The following EFR3B variants were observed in gnomAD, a reference collection of about 807,000 sequenced individuals.
EFR3B encodes the protein protein EFR3 homolog B.
EFR3B carries 64 observed loss-of-function variants against 104.7 expected under a neutral mutation model. That is an observed-to-expected ratio of 0.61 (90% CI 0.50 to 0.75). The LOEUF is 0.75. Among genes scored for constraint, EFR3B ranks in the 30% least tolerant of loss-of-function variants. EFR3B has a pLI of 0.00. For missense variants in EFR3B, 750 were observed against 1,078.5 expected (o/e 0.70, Z 4.27); for synonymous variants, 385 against 417.9 (o/e 0.92, Z 0.96).
At chr2:25,058,767 C>A (rs554508638) in intron 1 of EFR3B, among the ~76,000 whole-genome samples, 5 of 135,594 alleles carry the variant, frequency 3.7e-5, no homozygotes, top group African/African-American at 1.2e-4. Flanking sequence ...TCCCCGCGCC[C>A]CCCCCCCCAA....
Position 25,153,741 on chromosome 2 carries a change from G to T in EFR3B, c.2328G>T (p.Gln776His). 1 of 1,551,708 alleles carries T rather than the reference G, an allele frequency of 6.4e-7. No homozygotes were observed. Among genetic ancestry groups the T allele is most frequent in the Non-Finnish European group, 8.7e-7 (1 of 1,147,006 alleles). ...CGCTGCTCCAGAGCAAACTCAATCA[G>T]ATCTTTGAAATCACCATCCGGTAAG... ...RASLLQSKLN[Q>H]IFEITIRPPP... The change falls in exon 22 of 23, where the codon CAG becomes CAT. Residue 776 changes from glutamine (Q) to histidine (H), a missense_variant. Gln to His is a conservative substitution (Grantham distance 24). Coordinates refer to ENST00000403714, the MANE Select transcript of EFR3B (RefSeq NM_014971.2).
chr2:25,143,900 G>A (rs748147085), intron 18 of EFR3B, 38 bp downstream of exon 18: 1 of 1,544,394 alleles, frequency 6.5e-7, no homozygotes, highest in Non-Finnish European at 8.8e-7. Flanking sequence ...GCCTGCCTCT[G>A]TCTTTACTTG....
chr2:25,108,807 T>TGGCCAACATTATGAAACCCC (rs539066788), intron 4 of EFR3B, among the ~76,000 whole-genome samples: 12,644 of 151,986 alleles, frequency 0.083, 741 homozygotes, highest in Non-Finnish European at 0.13. Context: ...CAGACCAGCC[T>TGGCCAACATTATGAAACCCC]GGCCAACATT....
At position 25,121,790 on chromosome 2, in the gene EFR3B, A is replaced by G. The variant is rs1428610756; in HGVS notation, c.481A>G (p.Thr161Ala). ...HSSHDDLEIK[T>A]KIRMSGIKGL... ...GAGCCATGATGACTTAGAAATCAAG[A>G]CCAAGTGAGTAGGGGAAGGCAAGGG... The change falls in exon 5 of 23, where the codon ACC becomes GCC. Residue 161 changes from threonine (T) to alanine (A), a missense_variant. Thr to Ala is a moderately conservative substitution (Grantham distance 58, BLOSUM62 0). Transcript: ENST00000403714. The G allele has an allele frequency of 6.4e-7, 1 of 1,551,808 alleles. No homozygotes were observed. Among genetic ancestry groups the G allele is most frequent in the Non-Finnish European group, 8.7e-7 (1 of 1,147,010 alleles).
At chr2:25,120,349 TC>T (rs1414474646) in intron 4 of EFR3B, among the ~76,000 whole-genome samples, 1 of 137,392 alleles carries the variant, frequency 7.3e-6, no homozygotes, top group African/African-American at 3.1e-5. Context: ...AGACTTCATC[TC>T]AAAAAAAAAC....
intron 16 of EFR3B, 146 bp from the exon 17 acceptor site, chr2:25,141,220 T>G (rs1670657429): frequency 1.3e-6 from 1 of 772,846 alleles, no homozygotes; most frequent in Non-Finnish European, 2.0e-6. Flanking sequence ...GATGCGAGTT[T>G]CCACTGAAAA....
chr2:25,152,236 T>C (rs3795955), intron 21 of EFR3B, among the ~76,000 whole-genome samples: 105,562 of 150,656 alleles, frequency 0.7, 37,565 homozygotes, highest in African/African-American at 0.84. Flanking sequence ...ACTGCTCCCC[T>C]ATGAACCAAA....
rs374058820 is a variant in EFR3B, at chr2:25,157,907, C to T, written c.*3567C>T. The T allele has an allele frequency of 6.5e-6, 1 of 152,672 alleles. No homozygotes were observed. The highest frequency in any genetic ancestry group is 2.1e-4 in the South Asian group (1 of 4,818). 9.5% of individuals were successfully genotyped at this position (152,672 alleles called of 1,614,324 possible). ...AACTAGAAAAGTCCTCAGATACCCC[C>T]CTCTGTCCAGCCCCCTTTCCCATAC... is the stretch of plus-strand genomic sequence containing the variant. On this transcript the variant is annotated 3_prime_UTR_variant, in exon 23 of 23. Transcript: ENST00000403714.
chr2:25,142,974 A>AT (rs1670714178), intron 17 of EFR3B, among the ~76,000 whole-genome samples: 1 of 148,258 alleles, frequency 6.7e-6, no homozygotes, highest in South Asian at 2.1e-4. Flanking sequence ...AAGGCTGGGC[A>AT]TGGCGGCTCA....
At chr2:25,099,574 T>G (rs1669375251) in intron 3 of EFR3B, among the ~76,000 whole-genome samples, 2 of 151,674 alleles carry the variant, frequency 1.3e-5, no homozygotes, top group Non-Finnish European at 2.9e-5. Context: ...AAAAGAAAAT[T>G]TCAGCATTTA....
intron 5 of EFR3B, among the ~76,000 whole-genome samples, chr2:25,125,812 G>T (rs943716185): frequency 2.0e-5 from 3 of 152,220 alleles, no homozygotes; most frequent in Non-Finnish European, 4.4e-5. Context: ...GCCAGGCGTG[G>T]TGGCGGGCGC....
At chr2:25,079,933 G>T in intron 1 of EFR3B, 1 of 1,395,964 alleles carries the variant, frequency 7.2e-7, no homozygotes, top group Non-Finnish European at 1.0e-6. Context: ...ACATCCACAT[G>T]TGCTTGCTTG....
At chr2:25,067,485 A>G (rs1478303783) in intron 1 of EFR3B, among the ~76,000 whole-genome samples, 2 of 148,058 alleles carry the variant, frequency 1.4e-5, no homozygotes, top group Non-Finnish European at 3.0e-5. Context: ...CCCAGGCTGG[A>G]GTGCAGTGGC....
chr2:25,141,467 C>A, intron 17 of EFR3B, 34 bp downstream of exon 17: 1 of 1,548,828 alleles, frequency 6.5e-7, no homozygotes, highest in Middle Eastern at 1.7e-4. Flanking sequence ...GTCAGGGATC[C>A]CCAGGGCAGC....
chr2:25,106,745 G>T (rs888479736), intron 4 of EFR3B, among the ~76,000 whole-genome samples: 6 of 151,704 alleles, frequency 4.0e-5, no homozygotes, highest in Non-Finnish European at 8.8e-5. Context: ...GTCTGGCCCT[G>T]TTAATTTTTT....
At position 25,054,023 on chromosome 2, in the gene EFR3B, G is replaced by A. The variant is rs534070488; in HGVS notation, c.7+11704G>A. 2.6e-5 allele frequency among the ~76,000 whole-genome samples: 4 copies of A among 152,328 alleles called. No homozygotes were observed. In the South Asian group the frequency reaches 8.3e-4, roughly 32 times the overall value. ...CCTGGGACCGGGCTGTGTGGTGCAG[G>A]CCCAGTCCTGCGCAGATCCCTTATC... On this transcript the variant is annotated intron_variant, in intron 1 of 22. Coordinates refer to ENST00000403714, the MANE Select transcript of EFR3B (RefSeq NM_014971.2).
chr2:25,141,224 C>T, intron 16 of EFR3B, 142 bp from the exon 17 acceptor site: 2 of 819,582 alleles, frequency 2.4e-6, no homozygotes, highest in East Asian at 3.1e-5. Flanking sequence ...CGAGTTTCCA[C>T]TGAAAAGCTC....
intron 1 of EFR3B, among the ~76,000 whole-genome samples, chr2:25,054,681 A>G (rs1038143920): frequency 6.6e-6 from 1 of 152,204 alleles, no homozygotes; most frequent in African/African-American, 2.4e-5. Flanking sequence ...CCCTGCATAC[A>G]AGGATGAGTG....
intron 4 of EFR3B, among the ~76,000 whole-genome samples, chr2:25,104,518 G>A (rs1240581106): frequency 6.6e-6 from 1 of 152,150 alleles, no homozygotes; most frequent in Non-Finnish European, 1.5e-5. Flanking sequence ...TTTAAGTGGG[G>A]CCCCCAATAG....
Sources: allele counts gnomAD v4.1 joint callset (sites outside exome capture counted in the v4.1 genomes callset), GRCh38; gene constraint gnomAD v4.1.1; transcripts MANE v1.5; gene names NCBI Gene and HGNC (gene_info 2026-07-23, HGNC 2026-07-21).